Variants in PIEZO2 observed in about 807,000 individuals in gnomAD.
PIEZO2 encodes the protein piezo type mechanosensitive ion channel component 2.
A neutral mutation model predicts 337.3 loss-of-function variants in PIEZO2; 172 were observed. The observed-to-expected ratio is 0.51, with a 90% confidence interval of 0.45 to 0.58. The LOEUF (loss-of-function observed/expected upper bound fraction) is 0.58, where lower values mean the gene tolerates loss of function less well. Among genes scored for constraint, PIEZO2 ranks in the 20% least tolerant of loss-of-function variants. The pLI is 0.00. For synonymous variants in PIEZO2, 1,251 were observed against 1,228.5 expected, an observed-to-expected ratio of 1.02 and a Z score of -0.38; for missense variants, 3,028 against 3,391.3, an observed-to-expected ratio of 0.89 and a Z score of 2.66.
chr18:10,852,704 T>C (rs916479985), intron 7 of PIEZO2, among the ~76,000 whole-genome samples: 3 of 152,166 alleles, frequency 2.0e-5, no homozygotes, highest in African/African-American at 7.2e-5. Flanking sequence ...TCCTCATTTC[T>C]CAACAAGAAG....
rs906615883 is a variant in PIEZO2 at position 10,895,973 on chromosome 18, T to C, written c.329+15213A>G. 1.1e-4 allele frequency among the ~76,000 whole-genome samples: 17 copies of C among 149,604 alleles called. No individual in the cohort carries two copies. Among genetic ancestry groups the C allele is most frequent in the African/African-American group, 4.2e-4 (17 of 40,396 alleles). On this transcript the variant is annotated intron_variant, in intron 4 of 55. Coordinates refer to ENST00000674853, the MANE Select transcript of PIEZO2 (RefSeq NM_001378183.1). This position sits in a 1 kb window ranked among gnomAD's most constrained non-coding sequence, Gnocchi z 4.8. ...TACTTGGGAGGCTGAGGCAAGAGAATCTCTTGAACCCGGGAGGCGAAGGTT... is the reference window on the plus strand; with the variant it reads ...TACTTGGGAGGCTGAGGCAAGAGAACCTCTTGAACCCGGGAGGCGAAGGTT...
chr18:10,842,628 C>T (rs1484105405), intron 7 of PIEZO2, among the ~76,000 whole-genome samples: 6 of 152,308 alleles, frequency 3.9e-5, no homozygotes, highest in South Asian at 2.1e-4. Context: ...CTTGTACAGC[C>T]GGCAGAACTG....
In PIEZO2 at chr18:11,099,998, T is replaced by G. The variant is rs2039365473; in HGVS notation, c.65-33776A>C. Reference sequence around the variant, plus strand: ...ATTTGTCTTCATAGTTTGTTTATAGTCTTTTGTCATAAAAAACTTATTATT... The same window carrying G: ...ATTTGTCTTCATAGTTTGTTTATAGGCTTTTGTCATAAAAAACTTATTATT... On this transcript the variant is annotated intron_variant, in intron 1 of 55. Transcript: ENST00000674853. This position sits in a 1 kb window ranked among gnomAD's most constrained non-coding sequence, Gnocchi z 5.4. Among the ~76,000 whole-genome samples the G allele has an allele frequency of 1.3e-5, 2 of 152,294 alleles. No individual in the cohort carries two copies. Among genetic ancestry groups the G allele is most frequent in the Admixed American group, 6.5e-5 (1 of 15,310 alleles).
chr18:11,128,981 T>TA lies in PIEZO2; in HGVS notation c.64+19543dup, dbSNP rs1182803026. ...TGTTTAATGTTGCAGATCAGGGAGT[T>TA]AAAAAAGGTTCTAATAGTTTATTTG... On this transcript the variant is annotated intron_variant, in intron 1 of 55. Coordinates refer to ENST00000674853, the MANE Select transcript of PIEZO2 (RefSeq NM_001378183.1). This position sits in a 1 kb window ranked among gnomAD's most constrained non-coding sequence, Gnocchi z 4.1. Among the ~76,000 whole-genome samples, 2 of 152,112 alleles carry TA rather than the reference T, an allele frequency of 1.3e-5. No homozygotes were observed. Among genetic ancestry groups the TA allele is most frequent in the African/African-American group, 4.8e-5 (2 of 41,416 alleles).
At chr18:10,797,599 C>T (rs1466881958) in intron 11 of PIEZO2, 77 bp from the exon 12 acceptor site, 6 of 1,502,158 alleles carry the variant, frequency 4.0e-6, no homozygotes, top group Admixed American at 4.5e-5. Context: ...CAATGCAGCA[C>T]ATGTATGGTT....
At chr18:10,715,014 T>A in intron 38 of PIEZO2, 84 bp from the exon 39 acceptor site, 2 of 1,341,782 alleles carry the variant, frequency 1.5e-6, no homozygotes, top group Non-Finnish European at 2.0e-6. Flanking sequence ...CAGACAGCTT[T>A]TCATACCCAT....
In PIEZO2 at chr18:11,110,714, G is replaced by A. The variant is rs961597723; in HGVS notation, c.64+37811C>T. On this transcript the variant is annotated intron_variant, in intron 1 of 55. Coordinates refer to ENST00000674853, the MANE Select transcript of PIEZO2 (RefSeq NM_001378183.1). This position sits in a 1 kb window ranked among gnomAD's most constrained non-coding sequence, Gnocchi z 4.2. ...CGCCCCTCCCCGCCCCGGCCCGCCC[G>A]CCCCGGGTCTTGTGCTTCCTGCCTT... Among the ~76,000 whole-genome samples the A allele has an allele frequency of 2.7e-4, 21 of 77,644 alleles. No individual in the cohort carries two copies. Among genetic ancestry groups the A allele is most frequent in the Middle Eastern group, 6.0e-3 (1 of 168 alleles). The allele number at this position is 77,644 out of a possible 152,430, so 50.9% of individuals were successfully genotyped here.
Position 11,105,882 on chromosome 18 carries a change from C to T in PIEZO2, c.65-39660G>A, listed in dbSNP as rs2146115216. 6.6e-6 allele frequency among the ~76,000 whole-genome samples: 1 copy of T among 152,326 alleles called. No homozygotes were observed. The highest frequency in any genetic ancestry group is 2.1e-4 in the South Asian group (1 of 4,830). On this transcript the variant is annotated intron_variant, in intron 1 of 55. Transcript: ENST00000674853. The surrounding 1 kb of genome is among the most constrained non-coding windows in gnomAD (Gnocchi z 4.3). ...TGGGCCACAATTACTCCCAAACAAT[C>T]TAGTCCTTCTTCTGTAGGGTTATCT...
At chr18:10,986,557 A>G (rs1339927804) in intron 2 of PIEZO2, among the ~76,000 whole-genome samples, 1 of 151,994 alleles carries the variant, frequency 6.6e-6, no homozygotes, top group Non-Finnish European at 1.5e-5. Context: ...AACATATTAG[A>G]TATAGAAGGA....
chr18:11,062,888 G>C (rs1331547597), intron 2 of PIEZO2, among the ~76,000 whole-genome samples: 1 of 152,148 alleles, frequency 6.6e-6, no homozygotes, highest in Non-Finnish European at 1.5e-5. Flanking sequence ...AATACCATTT[G>C]ACACAGCAAT....
intron 47 of PIEZO2, among the ~76,000 whole-genome samples, chr18:10,692,836 A>G (rs1021142778): frequency 2.0e-5 from 3 of 152,164 alleles, no homozygotes; most frequent in African/African-American, 7.2e-5. Flanking sequence ...AAGTTCTTTT[A>G]GTTCTTCTAG....
rs1018079129 is a variant in PIEZO2 at position 11,002,117 on chromosome 18, G to A, written c.161-22457C>T. Among the ~76,000 whole-genome samples the A allele has an allele frequency of 3.9e-5, 6 of 152,148 alleles. No individual in the cohort carries two copies. The highest frequency in any genetic ancestry group is 1.9e-4 in the East Asian group (1 of 5,198). ...AAATAGCCATAGAAAATACATGGAC[G>A]AATTAATAATGATTATAGTCCAATA... On this transcript the variant is annotated intron_variant, in intron 2 of 55. Transcript: ENST00000674853. The surrounding 1 kb of genome is among the most constrained non-coding windows in gnomAD (Gnocchi z 4.3).
At chr18:10,838,230 AC>A (rs1225073330) in intron 7 of PIEZO2, among the ~76,000 whole-genome samples, 1 of 151,652 alleles carries the variant, frequency 6.6e-6, no homozygotes, top group Non-Finnish European at 1.5e-5. Flanking sequence ...TTCCCACCCT[AC>A]CCCCTGCCTT....
At chr18:10,987,827 G>A (rs1009403620) in intron 2 of PIEZO2, among the ~76,000 whole-genome samples, 4 of 151,840 alleles carry the variant, frequency 2.6e-5, no homozygotes, top group African/African-American at 9.7e-5. Flanking sequence ...AATATATAAA[G>A]AACAACTGAA....
At position 10,989,250 on chromosome 18, in the gene PIEZO2, C is replaced by G. The variant is rs181864785; in HGVS notation, c.161-9590G>C. ...ATTGTACAGATTTTTCTATGAGAAT[C>G]ATACCTCAATAAATCAGTTTTAAAA... is the stretch of plus-strand genomic sequence containing the variant. On this transcript the variant is annotated intron_variant, in intron 2 of 55. Transcript: ENST00000674853. Among the ~76,000 whole-genome samples, 37 of 151,964 alleles carry G rather than the reference C, an allele frequency of 2.4e-4. No individual in the cohort carries two copies. In the East Asian group the frequency reaches 7.0e-3, roughly 29 times the overall value.
chr18:11,004,270 G>GGAATTAAT (rs2035645805), intron 2 of PIEZO2, among the ~76,000 whole-genome samples: 1 of 152,140 alleles, frequency 6.6e-6, no homozygotes, highest in African/African-American at 2.4e-5. Context: ...AGAAGAGAGA[G>GGAATTAAT]GAATTAATGT....
intron 2 of PIEZO2, among the ~76,000 whole-genome samples, chr18:11,049,036 C>CT (rs1291841768): frequency 2.0e-5 from 3 of 152,130 alleles, no homozygotes; most frequent in African/African-American, 4.8e-5. Flanking sequence ...AGCAAGTCAG[C>CT]TTCAAAAAAA....
At chr18:10,717,700 C>G (rs1452816148) in intron 37 of PIEZO2, among the ~76,000 whole-genome samples, 1 of 152,220 alleles carries the variant, frequency 6.6e-6, no homozygotes, top group African/African-American at 2.4e-5. Context: ...ATCCCTGACT[C>G]TCTTACTTAT....
At position 10,762,547 on chromosome 18, in the gene PIEZO2, C is replaced by T. The variant is rs898421844; in HGVS notation, c.3202G>A (p.Glu1068Lys). ...GAAGACTTCCGCAGGCCGACCCACT[C>T]TGTAGGATCGATAGGAGCGCTGTAG... Reference protein sequence around the residue: ...LLYSAPIDPTEWVGLRKSSPL... With the variant: ...LLYSAPIDPTKWVGLRKSSPL... The change falls in exon 23 of 56, where the codon GAG becomes AAG. Residue 1068 changes from glutamate to lysine, a missense_variant. Around this residue, in one of 5 missense-constraint regions of PIEZO2, gnomAD observed 1,925 missense variants for 2,051.9 expected, o/e 0.94. Coordinates refer to ENST00000674853, the MANE Select transcript of PIEZO2 (RefSeq NM_001378183.1). The T allele has an allele frequency of 6.5e-7, 1 of 1,537,364 alleles. No homozygotes were observed. The highest frequency in any genetic ancestry group is 8.7e-7 in the Non-Finnish European group (1 of 1,146,938).
Sources: allele counts gnomAD v4.1 joint callset (sites outside exome capture counted in the v4.1 genomes callset), GRCh38; gene constraint gnomAD v4.1.1; regional missense constraint gnomAD v4.1.1; non-coding constraint Gnocchi (gnomAD v3.1); transcripts MANE v1.5; gene names NCBI Gene and HGNC (gene_info 2026-07-23, HGNC 2026-07-21).